The following HMBOX1 variants were observed in gnomAD, a reference collection of about 807,000 sequenced individuals.
HMBOX1 encodes homeobox-containing protein 1.
A neutral mutation model predicts 54.5 loss-of-function variants in HMBOX1; 14 were observed. That is an observed-to-expected ratio of 0.26 (90% CI 0.17 to 0.40). The LOEUF is 0.40. HMBOX1 is among the 10% of genes least tolerant of loss of function. The pLI is 1.00. For synonymous variants in HMBOX1, 160 were observed against 181.0 expected (o/e 0.88, Z 0.93); for missense variants, 332 against 514.4 (o/e 0.65, Z 3.43).
chr8:28,996,121 T>C (rs923472696), intron 4 of HMBOX1, among the ~76,000 whole-genome samples: 11 of 151,684 alleles, frequency 7.3e-5, no homozygotes, highest in African/African-American at 2.7e-4. Flanking sequence ...AAAAAGGGGG[T>C]TATTCATCTT....
intron 2 of HMBOX1, among the ~76,000 whole-genome samples, chr8:28,965,733 CAG>C (rs1826320018): frequency 6.6e-6 from 1 of 152,320 alleles, no homozygotes; most frequent in African/African-American, 2.4e-5. Context: ...AAGCTGCTGA[CAG>C]AGAGTAGCCC....
intron 2 of HMBOX1, 151 bp downstream of exon 2, chr8:28,964,041 A>T (rs1826043852): frequency 1.9e-6 from 1 of 537,684 alleles, no homozygotes; most frequent in African/African-American, 1.9e-5. Flanking sequence ...CCTATTTGAC[A>T]TTAAGGTGAA....
chr8:29,045,290 G>C (rs1199896429), intron 6 of HMBOX1, 71 bp from the exon 7 acceptor site: 1 of 1,146,624 alleles, frequency 8.7e-7, no homozygotes, highest in East Asian at 2.3e-5. Context: ...ATATTTTTCA[G>C]TGAGTTAGTG....
At chr8:28,965,454 A>G (rs1412674511) in intron 2 of HMBOX1, among the ~76,000 whole-genome samples, 3 of 152,238 alleles carry the variant, frequency 2.0e-5, no homozygotes, top group Non-Finnish European at 2.9e-5. Context: ...AATACACTCA[A>G]TAGATGAGGT....
At chr8:29,030,023 A>G (rs753350434) in intron 6 of HMBOX1, among the ~76,000 whole-genome samples, 1 of 151,578 alleles carries the variant, frequency 6.6e-6, no homozygotes, top group Non-Finnish European at 1.5e-5. Context: ...TGCCAAAAAG[A>G]CTTCTGTTTA....
intron 1 of HMBOX1, 33 bp from the exon 2 acceptor site, chr8:28,963,778 A>C (rs1029649525): frequency 2.0e-5 from 21 of 1,051,954 alleles, no homozygotes; most frequent in Non-Finnish European, 1.4e-6. Context: ...GATTAACATA[A>C]ATGTTTCTCA....
intron 1 of HMBOX1, among the ~76,000 whole-genome samples, chr8:28,954,003 G>A (rs1359254165): frequency 6.6e-6 from 1 of 152,150 alleles, no homozygotes; most frequent in Non-Finnish European, 1.5e-5. Context: ...GTTTAGGGGA[G>A]AGGATGTTCA....
Position 28,980,151 on chromosome 8 carries a change from T to G in HMBOX1, c.581T>G (p.Val194Gly). ...ATTTCCCAAGCAGTTGTTGCACAGG[T>G]AACAGGTAAGAGCTGAAGAGCCCTT... ...RRISQAVVAQ[V>G]TGISQSRISH... The change falls in exon 4 of 10, where the codon GTA becomes GGA. Residue 194 changes from valine to glycine, a missense_variant. By Grantham distance (109) the Val-to-Gly change is moderately radical. This residue lies in a region of HMBOX1 where 117 missense variants were observed against 220.0 expected (regional missense o/e 0.53). Coordinates refer to ENST00000287701, the MANE Select transcript of HMBOX1 (RefSeq NM_001135726.3). 2 of 1,611,562 alleles carry G rather than the reference T, an allele frequency of 1.2e-6. No individual in the cohort carries two copies. The highest frequency in any genetic ancestry group is 1.7e-6 in the Non-Finnish European group (2 of 1,177,696).
chr8:28,894,579 T>C (rs1002546875), intron 1 of HMBOX1, among the ~76,000 whole-genome samples: 2 of 152,230 alleles, frequency 1.3e-5, no homozygotes, highest in African/African-American at 4.8e-5. Context: ...CATGGATTCC[T>C]AGGTGCAGCT....
At chr8:28,969,860 C>T (rs1263940455) in intron 2 of HMBOX1, among the ~76,000 whole-genome samples, 183 bp from the exon 3 acceptor site, 2 of 152,106 alleles carry the variant, frequency 1.3e-5, no homozygotes, top group Non-Finnish European at 2.9e-5. Context: ...TGTTCACCTA[C>T]TAATACATTT....
chr8:28,990,627 ATTTTT>A (rs1387809117), intron 4 of HMBOX1, among the ~76,000 whole-genome samples: 1 of 151,404 alleles, frequency 6.6e-6, no homozygotes, highest in Non-Finnish European at 1.5e-5. Flanking sequence ...TGTTCTTTCT[ATTTTT>A]TTGTTTTGTT....
At chr8:28,978,762 G>A (rs983525254) in intron 3 of HMBOX1, among the ~76,000 whole-genome samples, 26 of 121,374 alleles carry the variant, frequency 2.1e-4, no homozygotes, top group African/African-American at 7.1e-4. Context: ...ACTCCAGCCC[G>A]AGCAACAGAG....
intron 5 of HMBOX1, among the ~76,000 whole-genome samples, chr8:29,010,411 G>A (rs1347520830): frequency 1.3e-5 from 2 of 152,026 alleles, no homozygotes; most frequent in African/African-American, 4.8e-5. Flanking sequence ...ACAAAAATTA[G>A]CCAGGTGTGG....
chr8:28,926,754 G>C (rs1323522784), intron 1 of HMBOX1, among the ~76,000 whole-genome samples: 4 of 152,150 alleles, frequency 2.6e-5, no homozygotes, highest in Non-Finnish European at 5.9e-5. Flanking sequence ...ACTTTTTGTA[G>C]AGATGGGGTC....
At chr8:28,916,424 G>A (rs76716017) in intron 1 of HMBOX1, among the ~76,000 whole-genome samples, 601 of 152,282 alleles carry the variant, frequency 3.9e-3, no homozygotes, top group African/African-American at 0.014. Flanking sequence ...TTTTGTTCTA[G>A]AAGTTTTATA....
chr8:28,911,794 G>T (rs1471339720), intron 1 of HMBOX1, among the ~76,000 whole-genome samples: 10 of 152,002 alleles, frequency 6.6e-5, no homozygotes, highest in Admixed American at 6.6e-4. Flanking sequence ...ATAGATTTTG[G>T]TATCTGCAGG....
intron 1 of HMBOX1, among the ~76,000 whole-genome samples, chr8:28,952,963 T>C (rs950262040): frequency 5.3e-5 from 8 of 152,256 alleles, no homozygotes; most frequent in Non-Finnish European, 8.8e-5. Context: ...AGGTGAAGCC[T>C]ACTATAGCAG....
chr8:28,958,002 G>A (rs945993839), intron 1 of HMBOX1, among the ~76,000 whole-genome samples: 1 of 152,180 alleles, frequency 6.6e-6, no homozygotes, highest in Non-Finnish European at 1.5e-5. Flanking sequence ...TATTGGGAAA[G>A]GCTATCCCTG....
At chr8:29,050,187 GT>G (rs943854029) in intron 9 of HMBOX1, 2 of 978,146 alleles carry the variant, frequency 2.0e-6, no homozygotes, top group Non-Finnish European at 2.4e-6. Context: ...TGTTTTGTTT[GT>G]TTTTTTCCTT....
Sources: allele counts gnomAD v4.1 joint callset (sites outside exome capture counted in the v4.1 genomes callset), GRCh38; gene constraint gnomAD v4.1.1; regional missense constraint gnomAD v4.1.1; transcripts MANE v1.5; gene names NCBI Gene and HGNC (gene_info 2026-07-23, HGNC 2026-07-21).